Variants in SESTD1 observed in about 807,000 individuals in gnomAD.
SESTD1 encodes SEC14 and spectrin domain containing 1.
In SESTD1, 43 loss-of-function variants were observed where a neutral mutation model predicts 101.7. That is an observed-to-expected ratio of 0.42 (90% confidence interval 0.33 to 0.55). SESTD1 has a LOEUF of 0.55. SESTD1 is among the 20% of genes least tolerant of loss of function. The pLI is 0.07. For missense variants in SESTD1, 647 were observed against 815.1 expected, an observed-to-expected ratio of 0.79 and a Z score of 2.51; for synonymous variants, 283 against 286.8, an observed-to-expected ratio of 0.99 and a Z score of 0.13.
intron 5 of SESTD1, among the ~76,000 whole-genome samples, chr2:179,155,321 T>C (rs1260296757): frequency 6.6e-6 from 1 of 152,062 alleles, no homozygotes; most frequent in African/African-American, 2.4e-5. Context: ...TGTCAAGCAA[T>C]ATATTAATAA....
intron 1 of SESTD1, among the ~76,000 whole-genome samples, chr2:179,221,497 C>T (rs956377112): frequency 5.3e-5 from 8 of 151,844 alleles, no homozygotes; most frequent in Non-Finnish European, 1.2e-4. Flanking sequence ...CCTGTAACCC[C>T]AGCTACTCGG....
rs1034094158 is a variant in SESTD1, at chr2:179,264,741, T to C, written c.-268A>G. 25 of 150,922 alleles carry C rather than the reference T, an allele frequency of 1.7e-4. No individual in the cohort carries two copies. The highest frequency in any genetic ancestry group is 5.6e-4 in the African/African-American group (23 of 41,084). The allele number at this position is 150,922 out of a possible 1,614,324, so 9.3% of individuals were successfully genotyped here. ...GGGGTGCGGGTGGCCCGGCGACCTCTCGGCACCCGCGGCCCGAGCCGCGTC... is the reference window on the plus strand; with the variant it reads ...GGGGTGCGGGTGGCCCGGCGACCTCCCGGCACCCGCGGCCCGAGCCGCGTC... On this transcript the variant is annotated 5_prime_UTR_variant, in exon 1 of 18. Coordinates refer to ENST00000428443, the MANE Select transcript of SESTD1 (RefSeq NM_178123.5).
chr2:179,131,003 G>A (rs1024810048), intron 10 of SESTD1, among the ~76,000 whole-genome samples: 2 of 149,182 alleles, frequency 1.3e-5, no homozygotes, highest in African/African-American at 5.2e-5. Context: ...AAAATAAATC[G>A]ATTTTCAATT....
chr2:179,231,478 T>C (rs1027027384), intron 1 of SESTD1, among the ~76,000 whole-genome samples: 1 of 150,776 alleles, frequency 6.6e-6, no homozygotes, highest in African/African-American at 2.4e-5. Flanking sequence ...AACATACAAG[T>C]AGCTGCTACA....
intron 1 of SESTD1, among the ~76,000 whole-genome samples, chr2:179,200,909 A>G (rs2046501056): frequency 7.4e-6 from 1 of 134,646 alleles, no homozygotes; most frequent in Non-Finnish European, 1.6e-5. Context: ...AACAAAAGAC[A>G]AAATTGACAA....
intron 6 of SESTD1, among the ~76,000 whole-genome samples, chr2:179,150,210 C>A (rs1240174448): frequency 6.6e-6 from 1 of 151,972 alleles, no homozygotes; most frequent in Non-Finnish European, 1.5e-5. Context: ...GGGGTGAGAC[C>A]CTGTCTCTAA....
At chr2:179,163,626 C>T (rs2045782602) in intron 5 of SESTD1, among the ~76,000 whole-genome samples, 1 of 150,816 alleles carries the variant, frequency 6.6e-6, no homozygotes, top group African/African-American at 2.4e-5. Flanking sequence ...CAAACTTTTG[C>T]TAAGTCCTTT....
At chr2:179,242,743 A>G (rs1203593254) in intron 1 of SESTD1, among the ~76,000 whole-genome samples, 1 of 152,246 alleles carries the variant, frequency 6.6e-6, no homozygotes, top group Non-Finnish European at 1.5e-5. Context: ...ATAATTGGCT[A>G]GCCACGTGCA....
intron 1 of SESTD1, among the ~76,000 whole-genome samples, chr2:179,197,483 G>C (rs2046420531): frequency 6.6e-6 from 1 of 152,214 alleles, no homozygotes; most frequent in East Asian, 1.9e-4. Context: ...TCTTCGAGAA[G>C]AGCAACCCCA....
At chr2:179,241,139 T>C (rs190484049) in intron 1 of SESTD1, among the ~76,000 whole-genome samples, 108 of 151,996 alleles carry the variant, frequency 7.1e-4, no homozygotes, top group African/African-American at 2.2e-3. Flanking sequence ...ATCAATAAAA[T>C]AGAATATAGT....
At chr2:179,167,373 C>T (rs2045853252) in intron 5 of SESTD1, among the ~76,000 whole-genome samples, 1 of 151,740 alleles carries the variant, frequency 6.6e-6, no homozygotes, top group Admixed American at 6.6e-5. Flanking sequence ...AAACAGGAGA[C>T]CAAAGAAAAT....
At chr2:179,123,564 C>T (rs1040348672) in intron 12 of SESTD1, 151 bp downstream of exon 12, 5 of 606,998 alleles carry the variant, frequency 8.2e-6, no homozygotes, top group Non-Finnish European at 1.4e-5. Context: ...ATTATAACCC[C>T]TCAAGGGAAT....
intron 14 of SESTD1, 109 bp from the exon 15 acceptor site, chr2:179,116,899 T>G: frequency 7.1e-7 from 1 of 1,399,072 alleles, no homozygotes; most frequent in Non-Finnish European, 9.6e-7. Flanking sequence ...ATCCGTTAAT[T>G]ATAACCTAAA....
rs571282844 is a variant in SESTD1 at position 179,172,108 on chromosome 2, G to C, written c.369+12C>G. On this transcript the variant is annotated intron_variant, in intron 5 of 17. Coordinates refer to ENST00000428443, the MANE Select transcript of SESTD1 (RefSeq NM_178123.5). ...AGATATAATGGACTTTAAAAAAAGA[G>C]ATTACATTTACCTCAAAGCCAAGTC... 8.9e-5 allele frequency: 133 copies of C among 1,499,424 alleles called. 2 individuals are homozygous for C. The South Asian group carries it at 1.4e-3, about 15-fold the overall frequency. 92.9% of individuals were successfully genotyped at this position (1,499,424 alleles called of 1,614,324 possible).
Position 179,226,844 on chromosome 2 carries a change from G to A in SESTD1, c.-25-34978C>T, listed in dbSNP as rs1324871301. ...ACAGTGCCTGGCAGATAGCCAATGC[G>A]CAATAAATATTTGTTGAATAATGAT... On this transcript the variant is annotated intron_variant, in intron 1 of 17. Transcript: ENST00000428443. Among the ~76,000 whole-genome samples, 8 of 152,228 alleles carry A rather than the reference G, an allele frequency of 5.3e-5. No individual in the cohort carries two copies. In the East Asian group the frequency reaches 5.8e-4, roughly 11 times the overall value.
At chr2:179,121,062 G>GT (rs1368824623) in intron 13 of SESTD1, among the ~76,000 whole-genome samples, 1 of 152,146 alleles carries the variant, frequency 6.6e-6, no homozygotes, top group Admixed American at 6.5e-5. Context: ...CAGAATAAAA[G>GT]TAAGTTTGCA....
chr2:179,160,505 CTTT>C (rs2045714853), intron 5 of SESTD1, among the ~76,000 whole-genome samples: 1 of 150,238 alleles, frequency 6.7e-6, no homozygotes, highest in Non-Finnish European at 1.5e-5. Flanking sequence ...TTATATGGTT[CTTT>C]ATTTTCTGCA....
At chr2:179,174,481 G>C (rs1184532197) in intron 4 of SESTD1, 1 of 463,878 alleles carries the variant, frequency 2.2e-6, no homozygotes, top group Non-Finnish European at 4.4e-6. Context: ...TGAAATGACA[G>C]GATGAAAGGA....
chr2:179,117,513 G>T lies in SESTD1; in HGVS notation c.1524+19C>A. The stretch of plus-strand genomic sequence containing the variant: ...TTCTAAGAAAAGTTAACTACATAAT[G>T]TAGCTGACTGCTCCTTACCTGGGCA... On this transcript the variant is annotated intron_variant, in intron 14 of 17. Transcript: ENST00000428443. The T allele has an allele frequency of 6.4e-7, 1 of 1,550,878 alleles. No individual in the cohort carries two copies. The highest frequency in any genetic ancestry group is 8.6e-7 in the Non-Finnish European group (1 of 1,156,492).
Sources: gnomAD v4.1 joint callset for allele counts (sites outside exome capture counted in the v4.1 genomes callset) on GRCh38, gnomAD v4.1.1 for gene constraint, MANE v1.5 for transcripts, NCBI Gene and HGNC (gene_info 2026-07-23, HGNC 2026-07-21) for gene names.